ENOX1: variants seen among roughly 807,000 people sequenced by gnomAD.
The protein encoded by ENOX1 is candidate growth-related and time keeping constitutive hydroquinone (NADH) oxidase.
In ENOX1, 42 loss-of-function variants were observed where a neutral mutation model predicts 82.5. That is an observed-to-expected ratio of 0.51 (90% CI 0.40 to 0.66). The LOEUF is 0.66. Ranked by LOEUF, ENOX1 falls within the 30% of genes least tolerant of loss-of-function variation. The probability of loss-of-function intolerance (pLI) is 0.00; values close to 1 mark genes in which losing one functional copy is unlikely to be tolerated. For missense variants in ENOX1, 608 were observed against 811.6 expected (o/e 0.75, Z 3.05); for synonymous variants, 271 against 282.2 (o/e 0.96, Z 0.40).
intron 2 of ENOX1, among the ~76,000 whole-genome samples, chr13:43,515,541 C>T (rs1300374702): frequency 6.6e-6 from 1 of 152,096 alleles, no homozygotes; most frequent in African/African-American, 2.4e-5. Flanking sequence ...TAAATTCTCA[C>T]AACAACCTTA....
At chr13:43,410,146 A>T (rs1386167901) in intron 5 of ENOX1, among the ~76,000 whole-genome samples, 1 of 152,214 alleles carries the variant, frequency 6.6e-6, no homozygotes, top group African/African-American at 2.4e-5. Context: ...TACAAGAAAA[A>T]ATAATGAATT....
intron 2 of ENOX1, among the ~76,000 whole-genome samples, chr13:43,596,773 A>G (rs1422077426): frequency 6.6e-6 from 1 of 152,228 alleles, no homozygotes; most frequent in Non-Finnish European, 1.5e-5. Context: ...TGTAGTTAGT[A>G]TTATTACTTT....
intron 14 of ENOX1, among the ~76,000 whole-genome samples, chr13:43,246,044 T>C (rs754801609): frequency 3.9e-5 from 6 of 152,248 alleles, no homozygotes; most frequent in Non-Finnish European, 8.8e-5. Flanking sequence ...GCATTTATCC[T>C]GGTGGCCTTC....
chr13:43,585,847 G>A (rs1166077574), intron 2 of ENOX1, among the ~76,000 whole-genome samples: 1 of 152,172 alleles, frequency 6.6e-6, no homozygotes, highest in African/African-American at 2.4e-5. Flanking sequence ...AAAGTGCTGG[G>A]ATTACAGGCG....
intron 3 of ENOX1, among the ~76,000 whole-genome samples, chr13:43,453,224 C>G (rs1265736362): frequency 6.6e-6 from 1 of 152,156 alleles, no homozygotes; most frequent in Non-Finnish European, 1.5e-5. Context: ...ACAGCAACAT[C>G]AGTGCCAGGC....
intron 16 of ENOX1, among the ~76,000 whole-genome samples, chr13:43,215,933 A>G (rs1209737385): frequency 2.0e-5 from 3 of 152,212 alleles, no homozygotes; most frequent in Admixed American, 6.5e-5. Flanking sequence ...GTTGTAGCTC[A>G]TGCCTGTAAT....
intron 1 of ENOX1, among the ~76,000 whole-genome samples, chr13:43,754,244 T>TATACACATGTATAC (rs1286336262): frequency 3.5e-4 from 52 of 148,142 alleles, no homozygotes; most frequent in African/African-American, 1.3e-3. Context: ...CATATGTATA[T>TATACACATGTATAC]ATACACATAT....
intron 2 of ENOX1, among the ~76,000 whole-genome samples, chr13:43,648,256 T>C (rs1254877321): frequency 6.6e-6 from 1 of 152,200 alleles, no homozygotes; most frequent in Non-Finnish European, 1.5e-5. Flanking sequence ...ATTCATTCAT[T>C]GATTCATCTT....
chr13:43,368,658 T>G (rs985363031), intron 5 of ENOX1, among the ~76,000 whole-genome samples: 1 of 152,068 alleles, frequency 6.6e-6, no homozygotes, highest in African/African-American at 2.4e-5. Flanking sequence ...TGAAACACAC[T>G]CTTAAGACAC....
At chr13:43,233,425 C>T (rs111270219) in intron 15 of ENOX1, among the ~76,000 whole-genome samples, 3 of 152,276 alleles carry the variant, frequency 2.0e-5, no homozygotes, top group African/African-American at 7.2e-5. Flanking sequence ...TGAAATCCCA[C>T]GGATCCTCTC....
chr13:43,222,200 G>C (rs187180602), intron 16 of ENOX1, among the ~76,000 whole-genome samples: 1 of 152,034 alleles, frequency 6.6e-6, no homozygotes, highest in Non-Finnish European at 1.5e-5. Context: ...TCATCTAATG[G>C]CCAGGGACAA....
chr13:43,314,545 GAAC>G (rs760878980), intron 11 of ENOX1, among the ~76,000 whole-genome samples: 16 of 152,198 alleles, frequency 1.1e-4, no homozygotes, highest in Non-Finnish European at 2.1e-4. Flanking sequence ...GTGTTTTGAT[GAAC>G]AATACAGTAT....
At chr13:43,392,891 T>C (rs2153583017) in intron 5 of ENOX1, among the ~76,000 whole-genome samples, 1 of 152,312 alleles carries the variant, frequency 6.6e-6, no homozygotes, top group African/African-American at 2.4e-5. Flanking sequence ...TCTCATTAGA[T>C]GTGTTTTGAA....
chr13:43,243,630 A>ACAGC (rs2042945503), intron 14 of ENOX1, among the ~76,000 whole-genome samples: 1 of 152,152 alleles, frequency 6.6e-6, no homozygotes, highest in Non-Finnish European at 1.5e-5. Flanking sequence ...GGAACCTCCT[A>ACAGC]CTTTGTCTCT....
chr13:43,747,666 C>A (rs551969586), intron 1 of ENOX1, among the ~76,000 whole-genome samples: 1 of 152,198 alleles, frequency 6.6e-6, no homozygotes, highest in Non-Finnish European at 1.5e-5. Context: ...GCAATGAAGG[C>A]GATTCCAGAT....
intron 3 of ENOX1, among the ~76,000 whole-genome samples, chr13:43,477,967 G>C (rs2058354671): frequency 6.6e-6 from 1 of 151,836 alleles, no homozygotes; most frequent in Admixed American, 6.6e-5. Context: ...GGGTGCTGGG[G>C]GACTCCAGCA....
At chr13:43,470,623 T>C (rs953922386) in intron 3 of ENOX1, among the ~76,000 whole-genome samples, 3 of 151,334 alleles carry the variant, frequency 2.0e-5, no homozygotes, top group African/African-American at 4.9e-5. Flanking sequence ...TACATACATA[T>C]ATATTTTTAT....
chr13:43,422,898 C>A (rs1246831305), intron 3 of ENOX1, among the ~76,000 whole-genome samples: 4 of 152,032 alleles, frequency 2.6e-5, no homozygotes, highest in Non-Finnish European at 4.4e-5. Context: ...CAAAAAAAAT[C>A]TTGAGACCTT....
In ENOX1 at chr13:43,412,020, G is replaced by T. The variant is rs1413498099; in HGVS notation, c.104C>A (p.Thr35Lys). The stretch of plus-strand genomic sequence containing the variant: ...TGTCACGGACATGTTGAGCTGGGTC[G>T]TGTCTATCGCTATACTCCCCAAACC... ...ADGLGSIAID[T>K]TQLNMSVTDP... Residue 35 changes from threonine to lysine, a missense_variant, in exon 5 of 17, where the codon ACG becomes AAG. Coordinates refer to ENST00000690772, the MANE Select transcript of ENOX1 (RefSeq NM_001347969.2). 1 of 1,614,118 alleles carries T rather than the reference G, an allele frequency of 6.2e-7. No individual in the cohort carries two copies. Among genetic ancestry groups the T allele is most frequent in the South Asian group, 1.1e-5 (1 of 91,078 alleles).
Sources: gnomAD v4.1 joint callset for allele counts (sites outside exome capture counted in the v4.1 genomes callset) on GRCh38, gnomAD v4.1.1 for gene constraint, MANE v1.5 for transcripts, NCBI Gene and HGNC (gene_info 2026-07-23, HGNC 2026-07-21) for gene names.